Variants in DMD observed in about 807,000 individuals in gnomAD.
The protein encoded by DMD is dystrophin, also known as mutant dystrophin.
In DMD, 63 loss-of-function variants were observed where a neutral mutation model predicts 330.1. That is an observed-to-expected ratio of 0.19 (90% CI 0.16 to 0.24). The LOEUF is 0.24. Ranked by LOEUF, DMD falls within the 10% of genes least tolerant of loss-of-function variation. The pLI is 1.00. For synonymous variants in DMD, 1,223 were observed against 959.8 expected (o/e 1.27, Z -5.07); for missense variants, 3,344 against 2,684.1 (o/e 1.25, Z -5.43).
chrX:31,978,285 T>C (rs1163042012), intron 44 of DMD, among the ~76,000 whole-genome samples: 1 of 111,344 alleles, frequency 9.0e-6, no homozygotes, highest in Non-Finnish European at 1.9e-5. Context: ...AACTTTGTTT[T>C]GTCCCTTTTT....
intron 78 of DMD, among the ~76,000 whole-genome samples, chrX:31,122,494 G>GTT (rs1447297619): frequency 3.6e-5 from 4 of 111,444 alleles, no homozygotes; most frequent in African/African-American, 1.3e-4. Flanking sequence ...GTTTCAGGCT[G>GTT]TTGGCTTGCT....
intron 11 of DMD, among the ~76,000 whole-genome samples, chrX:32,616,429 C>T (rs189687129): frequency 9.0e-6 from 1 of 110,988 alleles, no homozygotes; most frequent in Admixed American, 9.6e-5. Context: ...AGCATGGACT[C>T]ATGTATAGTT....
chrX:32,270,780 T>C (rs1035269196), intron 43 of DMD, among the ~76,000 whole-genome samples: 5 of 111,555 alleles, frequency 4.5e-5, no homozygotes, highest in African/African-American at 1.6e-4. Flanking sequence ...AGATCAGACA[T>C]GTTTGGTCAA....
At chrX:31,762,483 C>A (rs899332415) in intron 51 of DMD, among the ~76,000 whole-genome samples, 2 of 111,573 alleles carry the variant, frequency 1.8e-5, no homozygotes, top group African/African-American at 6.5e-5. Context: ...GCAGGAGAAT[C>A]CCTTGAACCA....
chrX:32,788,690 GTAAA>G (rs2075596486), intron 7 of DMD, among the ~76,000 whole-genome samples: 1 of 110,501 alleles, frequency 9.0e-6, no homozygotes, highest in Admixed American at 9.5e-5. Context: ...TGGATAAATG[GTAAA>G]TAAATTCAAC....
chrX:32,129,123 T>G (rs2096675640), intron 44 of DMD, among the ~76,000 whole-genome samples: 1 of 111,708 alleles, frequency 9.0e-6, no homozygotes, highest in Non-Finnish European at 1.9e-5. Flanking sequence ...AAATGTATAC[T>G]GTATCTTTCA....
chrX:31,778,410 C>T (rs891259225), intron 50 of DMD, among the ~76,000 whole-genome samples: 1 of 111,001 alleles, frequency 9.0e-6, no homozygotes, highest in East Asian at 2.8e-4. Flanking sequence ...TAATCTTCAT[C>T]GACCTCTCAC....
At chrX:31,647,811 C>G (rs1048259707) in intron 54 of DMD, among the ~76,000 whole-genome samples, 3 of 112,361 alleles carry the variant, frequency 2.7e-5, no homozygotes, top group African/African-American at 9.7e-5. Flanking sequence ...TAATGAGTAT[C>G]ATAATTAGGA....
chrX:31,125,621 A>G (rs1201812631), intron 78 of DMD, among the ~76,000 whole-genome samples: 3 of 111,611 alleles, frequency 2.7e-5, no homozygotes, highest in Non-Finnish European at 3.8e-5. Context: ...GACAACCTTG[A>G]TTTTACTTGG....
intron 44 of DMD, among the ~76,000 whole-genome samples, chrX:32,075,504 A>ACTT (rs2096337108): frequency 9.0e-6 from 1 of 111,682 alleles, no homozygotes; most frequent in South Asian, 3.7e-4. Flanking sequence ...TTTTGACAAA[A>ACTT]CTTTAATGTG....
intron 19 of DMD, among the ~76,000 whole-genome samples, chrX:32,496,705 T>A (rs2043523817): frequency 1.8e-5 from 2 of 112,913 alleles, no homozygotes; most frequent in Admixed American, 9.3e-5. Context: ...CACGCCGTGC[T>A]CACACACACC....
At chrX:31,928,344 G>A (rs991802510) in intron 47 of DMD, among the ~76,000 whole-genome samples, 7 of 111,513 alleles carry the variant, frequency 6.3e-5, no homozygotes, top group African/African-American at 1.6e-4. Flanking sequence ...GGTGGCTCAC[G>A]CTGTAATCCC....
intron 31 of DMD, 148 bp downstream of exon 31, chrX:32,389,923 G>C (rs187085528): frequency 1.1e-4 from 61 of 537,634 alleles, no homozygotes; most frequent in Non-Finnish European, 1.7e-4. Flanking sequence ...AAAATGTAGA[G>C]AGCAAAACAC....
chrX:33,061,784 A>G (rs1450214434), intron 1 of DMD, among the ~76,000 whole-genome samples: 1 of 111,586 alleles, frequency 9.0e-6, no homozygotes, highest in African/African-American at 3.3e-5. Flanking sequence ...AACCCTGAGA[A>G]TGGGGTGTGC....
chrX:31,242,981 C>A (rs554816763), intron 63 of DMD, among the ~76,000 whole-genome samples: 29 of 111,724 alleles, frequency 2.6e-4, no homozygotes, highest in Admixed American at 1.9e-3. Flanking sequence ...GCAAGGAATT[C>A]TATCACATCA....
chrX:33,240,411 A>C (rs1603423806), intron 1 of DMD, among the ~76,000 whole-genome samples: 2 of 111,902 alleles, frequency 1.8e-5, no homozygotes, highest in African/African-American at 6.5e-5. Flanking sequence ...TTCATGGATG[A>C]ACAGTATTCT....
At chrX:32,616,707 TTTTTTTTTCTTTA>T (rs1254169648) in intron 11 of DMD, among the ~76,000 whole-genome samples, 13 of 86,607 alleles carry the variant, frequency 1.5e-4, no homozygotes, top group African/African-American at 7.0e-4. Context: ...TTTTTTTTTT[TTTTTTTTTCTTTA>T]AAGAATGTTA....
chrX:33,152,019 A>ATT (rs1316947286), intron 1 of DMD, among the ~76,000 whole-genome samples: 295 of 112,147 alleles, frequency 2.6e-3, no homozygotes, highest in African/African-American at 9.1e-3. Context: ...TTTTGAAAAA[A>ATT]GTAATCAAAT....
chrX:32,607,394 G>A (rs867403789), intron 12 of DMD, among the ~76,000 whole-genome samples: 46 of 109,506 alleles, frequency 4.2e-4, no homozygotes, highest in Middle Eastern at 4.7e-3. Context: ...TGCCAAAACT[G>A]TAGACCATTA....
Sources: allele counts gnomAD v4.1 joint callset (sites outside exome capture counted in the v4.1 genomes callset), GRCh38; gene constraint gnomAD v4.1.1; transcripts MANE v1.5; gene names NCBI Gene and HGNC (gene_info 2026-07-23, HGNC 2026-07-21).